The following AGBL1 variants were observed in gnomAD, a reference collection of about 807,000 sequenced individuals.
AGBL1 encodes the protein AGBL carboxypeptidase 1.
A neutral mutation model predicts 118.9 loss-of-function variants in AGBL1; 130 were observed. The observed-to-expected ratio is 1.09, with a 90% CI of 0.95 to 1.26. The LOEUF is 1.26. AGBL1 is among the 50% of genes most tolerant of loss of function. The pLI, the probability that AGBL1 is intolerant of heterozygous loss-of-function variation, is 0.00. For synonymous variants in AGBL1, 555 were observed against 478.9 expected (o/e 1.16, Z -2.08); for missense variants, 1,584 against 1,298.1 (o/e 1.22, Z -3.38).
intron 23 of AGBL1, among the ~76,000 whole-genome samples, chr15:86,980,135 AG>A (rs2081215749): frequency 1.9e-5 from 2 of 103,306 alleles, no homozygotes; most frequent in South Asian, 5.3e-4. Context: ...GCCCTCCTAG[AG>A]CAGCAACTCA....
At chr15:86,479,032 G>A (rs2082606163) in intron 18 of AGBL1, among the ~76,000 whole-genome samples, 1 of 152,306 alleles carries the variant, frequency 6.6e-6, no homozygotes, top group Middle Eastern at 3.4e-3. Flanking sequence ...CTAGCCACAT[G>A]TAGAAAGCTG....
intron 6 of AGBL1, among the ~76,000 whole-genome samples, chr15:86,228,594 T>A (rs575285327): frequency 1.3e-5 from 2 of 152,150 alleles, no homozygotes; most frequent in Admixed American, 1.3e-4. Flanking sequence ...CAGGCGGAGG[T>A]CATCCCCAGG....
intron 22 of AGBL1, among the ~76,000 whole-genome samples, chr15:86,730,918 C>T (rs1455566553): frequency 1.3e-5 from 2 of 152,052 alleles, no homozygotes; most frequent in African/African-American, 4.8e-5. Flanking sequence ...ACCTCGGCCT[C>T]GTGGGTTCAA....
chr15:86,996,989 C>T (rs1219917212), intron 24 of AGBL1, among the ~76,000 whole-genome samples: 2 of 151,914 alleles, frequency 1.3e-5, no homozygotes, highest in African/African-American at 4.8e-5. Context: ...TTTCTAGAAT[C>T]ATAACCATCT....
chr15:86,577,775 A>T (rs62012477), intron 21 of AGBL1, among the ~76,000 whole-genome samples: 38 of 152,206 alleles, frequency 2.5e-4, no homozygotes, highest in Non-Finnish European at 4.6e-4. Flanking sequence ...AGAGGGTGCA[A>T]GCCCCAAGCC....
At chr15:86,753,720 C>A (rs2077891430) in intron 22 of AGBL1, among the ~76,000 whole-genome samples, 1 of 152,008 alleles carries the variant, frequency 6.6e-6, no homozygotes, top group African/African-American at 2.4e-5. Context: ...TTCTAACTGT[C>A]AATCATGTCT....
At chr15:86,711,044 G>T (rs2086547222) in intron 22 of AGBL1, among the ~76,000 whole-genome samples, 2 of 152,272 alleles carry the variant, frequency 1.3e-5, no homozygotes, top group Admixed American at 6.5e-5. Context: ...TAGGCCACAA[G>T]GTGACTTCCC....
chr15:86,523,385 AG>A (rs2083215993), intron 19 of AGBL1, among the ~76,000 whole-genome samples: 1 of 152,100 alleles, frequency 6.6e-6, no homozygotes, highest in Admixed American at 6.5e-5. Context: ...TCATTGTATT[AG>A]GGCTTATTCT....
At chr15:86,304,096 C>T (rs1410937744) in intron 17 of AGBL1, among the ~76,000 whole-genome samples, 3 of 152,120 alleles carry the variant, frequency 2.0e-5, no homozygotes, top group South Asian at 2.1e-4. Flanking sequence ...GAATTGTTTA[C>T]ACTACAAGTA....
In AGBL1 at chr15:86,865,052, G is replaced by A. The variant is rs565085864; in HGVS notation, c.3159-42035G>A. On this transcript the variant is annotated intron_variant, in intron 22 of 22. Coordinates refer to ENST00000614907, the MANE Select transcript of AGBL1 (RefSeq NM_001386094.1). ...GAGCAGGGGTCTTGTTGACTTGTTC[G>A]CTGTAGAATCCCTGGTACCCCTAAG... Among the ~76,000 whole-genome samples, 8 of 152,178 alleles carry A rather than the reference G, an allele frequency of 5.3e-5. No individual in the cohort carries two copies. In the East Asian group the frequency reaches 9.7e-4, roughly 18 times the overall value.
intron 5 of AGBL1, among the ~76,000 whole-genome samples, chr15:86,176,758 T>C (rs921716328): frequency 2.0e-5 from 3 of 152,152 alleles, no homozygotes; most frequent in Non-Finnish European, 4.4e-5. Flanking sequence ...CAGCCTAAAC[T>C]ACATCTCTGG....
intron 22 of AGBL1, among the ~76,000 whole-genome samples, chr15:86,902,427 A>T (rs1417050999): frequency 6.6e-6 from 1 of 152,142 alleles, no homozygotes; most frequent in African/African-American, 2.4e-5. Flanking sequence ...ATAAATTTTA[A>T]TTCAGCTGTC....
At chr15:86,727,410 T>C (rs2086836901) in intron 22 of AGBL1, among the ~76,000 whole-genome samples, 2 of 152,166 alleles carry the variant, frequency 1.3e-5, no homozygotes, top group Non-Finnish European at 1.5e-5. Context: ...AGAGATATCA[T>C]TAATTTTTTT....
At chr15:86,736,160 A>T (rs1392126757) in intron 22 of AGBL1, among the ~76,000 whole-genome samples, 1 of 152,134 alleles carries the variant, frequency 6.6e-6, no homozygotes, top group African/African-American at 2.4e-5. Context: ...AGGTGGGCAG[A>T]TCACGAGGTC....
chr15:86,606,831 C>T (rs2084584051), intron 21 of AGBL1, among the ~76,000 whole-genome samples: 1 of 152,118 alleles, frequency 6.6e-6, no homozygotes, highest in Admixed American at 6.6e-5. Context: ...AACCAAAGTC[C>T]ATAGTTTACA....
At chr15:86,226,181 T>C (rs1228100512) in intron 6 of AGBL1, among the ~76,000 whole-genome samples, 3 of 152,162 alleles carry the variant, frequency 2.0e-5, no homozygotes, top group Non-Finnish European at 4.4e-5. Context: ...CTGTGGGTTC[T>C]GGGGAGAGGA....
At chr15:86,221,503 C>T (rs562953416) in intron 5 of AGBL1, among the ~76,000 whole-genome samples, 22 of 152,304 alleles carry the variant, frequency 1.4e-4, no homozygotes, top group African/African-American at 3.6e-4. Flanking sequence ...CTTCATGCTT[C>T]GCTGTGGGAG....
chr15:86,545,913 C>T, intron 19 of AGBL1, 89 bp from the exon 20 acceptor site: 1 of 1,455,066 alleles, frequency 6.9e-7, no homozygotes, highest in Non-Finnish European at 9.3e-7. Flanking sequence ...TTCTTTGAGC[C>T]ATGGAACATG....
intron 21 of AGBL1, among the ~76,000 whole-genome samples, chr15:86,555,590 A>G (rs773212199): frequency 6.6e-6 from 1 of 152,218 alleles, no homozygotes; most frequent in South Asian, 2.1e-4. Context: ...TACTGAATTA[A>G]TAAATTCTTA....
Sources: gnomAD v4.1 joint callset for allele counts (sites outside exome capture counted in the v4.1 genomes callset) on GRCh38, gnomAD v4.1.1 for gene constraint, MANE v1.5 for transcripts, NCBI Gene and HGNC (gene_info 2026-07-23, HGNC 2026-07-21) for gene names.